Variants in DDX55 observed in about 807,000 individuals in gnomAD.
The protein encoded by DDX55 is DEAD-box helicase 55.
A neutral mutation model predicts 69.2 loss-of-function variants in DDX55; 56 were observed. That is an observed-to-expected ratio of 0.81 (90% CI 0.65 to 1.01). The LOEUF is 1.01. DDX55 is among the 50% of genes least tolerant of loss of function. The probability of loss-of-function intolerance (pLI) is 0.00; values close to 1 mark genes in which losing one functional copy is unlikely to be tolerated. For synonymous variants in DDX55, 268 were observed against 273.1 expected, an observed-to-expected ratio of 0.98 and a Z score of 0.18; for missense variants, 720 against 745.1, an observed-to-expected ratio of 0.97 and a Z score of 0.39.
chr12:123,607,639 T>C lies in DDX55; in HGVS notation c.378T>C (p.Asp126=). 2 of 1,614,188 alleles carry C rather than the reference T, an allele frequency of 1.2e-6. No individual in the cohort carries two copies. The highest frequency in any genetic ancestry group is 1.1e-5 in the South Asian group (1 of 91,084). Reference sequence around the variant, plus strand: ...TCGGAGGCAGGAATCCTGGAGAAGATGTTGAGAGGTTTAAGCAACAAGGGT... The same window carrying C: ...TCGGAGGCAGGAATCCTGGAGAAGACGTTGAGAGGTTTAAGCAACAAGGGT... The part of the protein sequence containing the change: ...LWIGGRNPGE[D]VERFKQQGGN... The change falls in exon 5 of 14, where the codon GAT becomes GAC. Residue 126 remains aspartate (D), a synonymous_variant. Transcript: ENST00000238146.
In DDX55 at chr12:123,607,594, T is replaced by C; in HGVS notation, c.339-6T>C. The C allele has an allele frequency of 1.2e-6, 2 of 1,614,204 alleles. No homozygotes were observed. The highest frequency in any genetic ancestry group is 1.7e-6 in the Non-Finnish European group (2 of 1,180,048). On this transcript the variant is annotated splice_region_variant and splice_polypyrimidine_tract_variant and intron_variant, in intron 4 of 13. Transcript: ENST00000238146. ...AACTTAATCAAAGGCTGTTTTCTTG[T>C]TGTAGCCAGATTCTTTGGATCGGAG... is the stretch of plus-strand genomic sequence containing the variant.
intron 10 of DDX55, 106 bp downstream of exon 10, chr12:123,616,709 A>T (rs1183440363): frequency 1.6e-6 from 2 of 1,239,692 alleles, no homozygotes; most frequent in Admixed American, 1.7e-5. Context: ...AACATTTTAT[A>T]GCAAGCCTCC....
At chr12:123,607,330 C>T in intron 3 of DDX55, 102 bp from the exon 4 acceptor site, 3 of 1,285,346 alleles carry the variant, frequency 2.3e-6, no homozygotes, top group Non-Finnish European at 3.3e-6. Context: ...ACTACTGTTT[C>T]TCTGGAACTT....
chr12:123,618,621 A>G (rs767469738), intron 11 of DDX55, 48 bp from the exon 12 acceptor site: 4 of 1,590,922 alleles, frequency 2.5e-6, no homozygotes, highest in African/African-American at 1.3e-5. Flanking sequence ...CCCTGGGGAT[A>G]TGATGCCAGC....
At chr12:123,615,399 G>C in intron 9 of DDX55, 83 bp downstream of exon 9, 5 of 1,552,202 alleles carry the variant, frequency 3.2e-6, no homozygotes, top group Non-Finnish European at 4.4e-6. Flanking sequence ...CTAGTAGCCT[G>C]TGCTGTCCGC....
chr12:123,613,043 C>T lies in DDX55; in HGVS notation c.742-127C>T, dbSNP rs545098868. 93 of 904,474 alleles carry T rather than the reference C, an allele frequency of 1.0e-4. 1 individual carries two copies. In the South Asian group the frequency reaches 1.1e-3, roughly 10 times the overall value. The allele number at this position is 904,474 out of a possible 1,614,324, so 56.0% of individuals were successfully genotyped here. ...GAGCTAGGTAGACCAGTTAACATTC[C>T]GACTAAAGTCTGTCCTACCCATGGG... On this transcript the variant is annotated intron_variant, in intron 7 of 13. Transcript: ENST00000238146.
At chr12:123,615,961 G>A (rs1376975781) in intron 9 of DDX55, among the ~76,000 whole-genome samples, 1 of 152,144 alleles carries the variant, frequency 6.6e-6, no homozygotes, top group Non-Finnish European at 1.5e-5. Context: ...CAGCCTGGGT[G>A]ACAGAGTGAG....
chr12:123,618,583 TTTTG>T (rs1954886126), intron 11 of DDX55, 82 bp from the exon 12 acceptor site: 2 of 1,561,388 alleles, frequency 1.3e-6, no homozygotes. Context: ...ATTGTTTCGC[TTTTG>T]TTTTTCTTGG....
In DDX55 at chr12:123,620,865, G is replaced by A. The variant is rs1479566862; in HGVS notation, c.*725G>A. On this transcript the variant is annotated 3_prime_UTR_variant, in exon 14 of 14. Transcript: ENST00000238146. The stretch of plus-strand genomic sequence containing the variant: ...TATTGGTGAATAGCTGAAAAACAGA[G>A]GGATTAAGTCATATTCCGGGAAAGA... 1 of 151,638 alleles carries A rather than the reference G, an allele frequency of 6.6e-6. No individual in the cohort carries two copies. Among genetic ancestry groups the A allele is most frequent in the African/African-American group, 2.4e-5 (1 of 41,280 alleles). The allele number at this position is 151,638 out of a possible 1,614,324, so 9.4% of individuals were successfully genotyped here. A position where few individuals can be genotyped will look rare whatever the true frequency, so the allele number is the denominator to read the frequency against.
chr12:123,611,432 C>T (rs1234876148), intron 7 of DDX55, among the ~76,000 whole-genome samples: 3 of 152,234 alleles, frequency 2.0e-5, no homozygotes, highest in Non-Finnish European at 4.4e-5. Context: ...AGTGCCACTG[C>T]TGACGGTACA....
Position 123,620,628 on chromosome 12 carries a change from A to ATATATATATATATATAT in DDX55, c.*488_*489insTATATATATATATATAT, listed in dbSNP as rs1955073997. The ATATATATATATATATAT allele has an allele frequency of 1.1e-5, 1 of 93,012 alleles. No homozygotes were observed. Among genetic ancestry groups the ATATATATATATATATAT allele is most frequent in the Non-Finnish European group, 2.2e-5 (1 of 44,812 alleles). The allele number at this position is 93,012 out of a possible 1,614,324, so 5.8% of individuals were successfully genotyped here. On this transcript the variant is annotated 3_prime_UTR_variant, in exon 14 of 14. Transcript: ENST00000238146. The stretch of plus-strand genomic sequence containing the variant: ...TATATATATATATATATATATATAT[A>ATATATATATATATATAT]AGCTCTTTTTTCTGAGGCTATTTTA...
intron 7 of DDX55, among the ~76,000 whole-genome samples, chr12:123,612,639 C>T (rs1379679028): frequency 1.3e-5 from 2 of 151,704 alleles, no homozygotes; most frequent in African/African-American, 4.8e-5. Flanking sequence ...CTCAGACCTA[C>T]TGAATCAGAA....
intron 7 of DDX55, among the ~76,000 whole-genome samples, chr12:123,611,633 C>T (rs1330117984): frequency 2.6e-5 from 4 of 152,194 alleles, no homozygotes; most frequent in Non-Finnish European, 4.4e-5. Flanking sequence ...GGCTGCTCTC[C>T]GGTTTGTGTC....
chr12:123,615,851 T>G (rs1207237530), intron 9 of DDX55, among the ~76,000 whole-genome samples: 4 of 152,166 alleles, frequency 2.6e-5, no homozygotes, highest in African/African-American at 4.8e-5. Context: ...GCATGGTGGC[T>G]GGCGCCTGTA....
intron 8 of DDX55, 24 bp downstream of exon 8, chr12:123,613,276 G>A: frequency 6.2e-7 from 1 of 1,612,208 alleles, no homozygotes; most frequent in Non-Finnish European, 8.5e-7. Flanking sequence ...CTCTGTGGTA[G>A]AGGCATCAGG....
intron 1 of DDX55, 101 bp downstream of exon 1, chr12:123,602,357 G>A: frequency 2.7e-6 from 3 of 1,114,468 alleles, no homozygotes; most frequent in Non-Finnish European, 3.7e-6. Flanking sequence ...GCCCTGGGGC[G>A]CTCATCCCTC....
At chr12:123,611,613 A>C (rs1954250811) in intron 7 of DDX55, among the ~76,000 whole-genome samples, 2 of 152,190 alleles carry the variant, frequency 1.3e-5, no homozygotes, top group African/African-American at 4.8e-5. Flanking sequence ...GCAGACTGTG[A>C]GGTTGTCGAG....
In DDX55 at chr12:123,619,959, C is replaced by T. The variant is rs763426626; in HGVS notation, c.1627-5C>T. 7 of 1,610,882 alleles carry T rather than the reference C, an allele frequency of 4.3e-6. No individual in the cohort carries two copies. The highest frequency in any genetic ancestry group is 1.1e-5 in the South Asian group (1 of 90,724). Reference sequence around the variant, plus strand: ...TAGTAGTTTATTGGTTTCTTCTGCACTTAGGGTTCTGATATTGAAGATGAG... The same window carrying T: ...TAGTAGTTTATTGGTTTCTTCTGCATTTAGGGTTCTGATATTGAAGATGAG... On this transcript the variant is annotated splice_polypyrimidine_tract_variant and splice_region_variant and intron_variant, in intron 13 of 13. Transcript: ENST00000238146.
chr12:123,614,535 T>C, intron 8 of DDX55, among the ~76,000 whole-genome samples: 1 of 152,144 alleles, frequency 6.6e-6, no homozygotes, highest in East Asian at 1.9e-4. Flanking sequence ...TGAACTTTAT[T>C]AGAAGGGTGC....
Sources: allele counts gnomAD v4.1 joint callset (sites outside exome capture counted in the v4.1 genomes callset), GRCh38; gene constraint gnomAD v4.1.1; transcripts MANE v1.5; gene names NCBI Gene and HGNC (gene_info 2026-07-23, HGNC 2026-07-21).